Variants in VPS13A observed in about 807,000 individuals in gnomAD.
The protein encoded by VPS13A is intermembrane lipid transfer protein VPS13A.
Under a neutral mutation model 390.9 loss-of-function variants are expected in VPS13A, and 264 were observed. The observed-to-expected ratio is 0.68, with a 90% CI of 0.61 to 0.75. VPS13A has a LOEUF of 0.75. Among genes scored for constraint, VPS13A ranks in the 30% least tolerant of loss-of-function variants. The pLI, the probability that VPS13A is intolerant of heterozygous loss-of-function variation, is 0.00. For synonymous variants in VPS13A, 1,231 were observed against 1,227.1 expected (o/e 1.00, Z -0.07); for missense variants, 3,409 against 3,733.9 (o/e 0.91, Z 2.27).
rs995280229 is a variant in VPS13A, at chr9:77,326,575, G to GT, written c.5991+3355dup. On this transcript the variant is annotated intron_variant, in intron 45 of 71. Transcript: ENST00000360280. ...TCTCAATAGTAGTCTGGATTTTTTT[G>GT]TTTTTTTATTTTCCATTGTCTCTTT... is the stretch of plus-strand genomic sequence containing the variant. Among the ~76,000 whole-genome samples, 6 of 151,038 alleles carry GT rather than the reference G, an allele frequency of 4.0e-5. 1 individual carries two copies. The highest frequency in any genetic ancestry group is 2.0e-4 in the Admixed American group (3 of 15,190).
chr9:77,309,953 CA>C (rs1828976706), intron 35 of VPS13A, among the ~76,000 whole-genome samples: 1 of 151,394 alleles, frequency 6.6e-6, no homozygotes, highest in African/African-American at 2.4e-5. Context: ...TTTTATTTAT[CA>C]TCAATAAAAC....
Position 77,370,259 on chromosome 9 carries a change from A to C in VPS13A, c.8670A>C (p.Gly2890=). 1 of 1,614,144 alleles carries C rather than the reference A, an allele frequency of 6.2e-7. No homozygotes were observed. ...VEAFFYEPYQ[G]AIQGPEEFVE... ...TTATTTACTATTTGGCCCTTTAGGG[A>C]GCCATCCAGGGTCCTGAAGAGTTTG... is the stretch of plus-strand genomic sequence containing the variant. Residue 2890 remains glycine (G), a splice_region_variant and synonymous_variant, in exon 64 of 72, where the codon GGA becomes GGC. Transcript: ENST00000360280.
At chr9:77,244,114 T>G (rs948580808) in intron 19 of VPS13A, among the ~76,000 whole-genome samples, 2 of 152,114 alleles carry the variant, frequency 1.3e-5, no homozygotes, top group African/African-American at 4.8e-5. Context: ...GACGTGTACC[T>G]ATCGTCCCAG....
At chr9:77,250,040 T>A in intron 20 of VPS13A, 57 bp from the exon 21 acceptor site, 1 of 1,582,796 alleles carries the variant, frequency 6.3e-7, no homozygotes, top group African/African-American at 1.4e-5. Flanking sequence ...ATTAAACACT[T>A]TATACTTACA....
chr9:77,274,016 A>G (rs10781429), intron 24 of VPS13A, among the ~76,000 whole-genome samples: 2 of 151,946 alleles, frequency 1.3e-5, no homozygotes, highest in East Asian at 1.9e-4. Context: ...TAAGAAATTT[A>G]AGGCAATAGC....
intron 46 of VPS13A, 83 bp downstream of exon 46, chr9:77,332,196 A>G (rs914065792): frequency 1.1e-5 from 12 of 1,064,328 alleles, no homozygotes; most frequent in Non-Finnish European, 1.6e-5. Context: ...AACTTTGATC[A>G]AATCCATCCT....
chr9:77,308,160 C>A, intron 35 of VPS13A, 62 bp downstream of exon 35: 2 of 1,528,500 alleles, frequency 1.3e-6, no homozygotes, highest in Non-Finnish European at 1.8e-6. Flanking sequence ...CTTCTATCTT[C>A]TTCCCTCCCC....
At chr9:77,189,895 T>C (rs2131071403) in intron 1 of VPS13A, among the ~76,000 whole-genome samples, 1 of 152,298 alleles carries the variant, frequency 6.6e-6, no homozygotes, top group African/African-American at 2.4e-5. Flanking sequence ...TTGATTTGGC[T>C]CTCAGCTTGG....
rs778318999 is a variant in VPS13A, at chr9:77,337,269, T to C, written c.6110T>C (p.Leu2037Pro). 1 of 1,612,050 alleles carries C rather than the reference T, an allele frequency of 6.2e-7. No homozygotes were observed. The highest frequency in any genetic ancestry group is 1.1e-5 in the South Asian group (1 of 90,954). The part of the protein sequence containing the change: ...PLGSYRSFIF[L>P]KPEDENYQMC... ...ATCTCATGCAGATCATTCATTTTTC[T>C]GAAGCCAGAAGATGAGAACTATCAA... Residue 2037 changes from leucine (L) to proline (P), a missense_variant, in exon 47 of 72, where the codon CTG becomes CCG. Coordinates refer to ENST00000360280, the MANE Select transcript of VPS13A (RefSeq NM_033305.3).
intron 13 of VPS13A, among the ~76,000 whole-genome samples, chr9:77,222,343 G>A (rs1458594244): frequency 6.6e-6 from 1 of 152,040 alleles, no homozygotes; most frequent in East Asian, 1.9e-4. Context: ...ACTTCTCTTG[G>A]GGGAAACATA....
At chr9:77,194,725 C>T (rs1824887960) in intron 1 of VPS13A, among the ~76,000 whole-genome samples, 1 of 152,172 alleles carries the variant, frequency 6.6e-6, no homozygotes, top group Non-Finnish European at 1.5e-5. Context: ...AGTCATGGTG[C>T]TAGGGGAGCT....
chr9:77,332,113 G>A lies in VPS13A; in HGVS notation c.6095G>A (p.Arg2032Gln), dbSNP rs1446441869. 2 of 1,604,842 alleles carry A rather than the reference G, an allele frequency of 1.2e-6. No individual in the cohort carries two copies. Among genetic ancestry groups the A allele is most frequent in the East Asian group, 2.2e-5 (1 of 44,586 alleles). The stretch of plus-strand genomic sequence containing the variant: ...TTCAACATACCATTAGGATCTTACC[G>A]GTATTTTGTCTTTATCATTTTATTT... ...NEFNIPLGSY[R>Q]SFIFLKPEDE... is the part of the protein sequence containing the mutation. Residue 2032 changes from arginine (R) to glutamine (Q), a missense_variant and splice_region_variant, in exon 46 of 72, where the codon CGA becomes CAA. Coordinates refer to ENST00000360280, the MANE Select transcript of VPS13A (RefSeq NM_033305.3).
intron 5 of VPS13A, 56 bp from the exon 6 acceptor site, chr9:77,209,367 T>G (rs1590001106): frequency 1.6e-6 from 2 of 1,227,804 alleles, no homozygotes; most frequent in Admixed American, 1.8e-5. Flanking sequence ...AGTATGTGGA[T>G]ATTTATAGAG....
chr9:77,276,873 T>C (rs71511421), intron 26 of VPS13A, among the ~76,000 whole-genome samples: 3,942 of 152,318 alleles, frequency 0.026, 67 homozygotes, highest in Middle Eastern at 0.12. Flanking sequence ...AGTGATTAGA[T>C]TGGACACACC....
At position 77,247,642 on chromosome 9, in the gene VPS13A, G is replaced by A. The variant is rs1478559387; in HGVS notation, c.2037+247G>A. ...GGCAGGTTTGAATCTAAGCTTGATT[G>A]ACTGATTGATTGATTGATTGATTGA... is the stretch of plus-strand genomic sequence containing the variant. On this transcript the variant is annotated intron_variant, in intron 20 of 71. Transcript: ENST00000360280. 2.0e-5 allele frequency among the ~76,000 whole-genome samples: 3 copies of A among 152,044 alleles called. No homozygotes were observed. In the East Asian group the frequency reaches 5.8e-4, roughly 29 times the overall value.
At chr9:77,370,763 T>G (rs1832705930) in intron 65 of VPS13A, 127 bp from the exon 66 acceptor site, 9 of 1,416,096 alleles carry the variant, frequency 6.4e-6, no homozygotes, top group Non-Finnish European at 6.8e-6. Context: ...AATAAAATAC[T>G]TAGGAGATCT....
chr9:77,185,022 C>T (rs180752355), intron 1 of VPS13A, among the ~76,000 whole-genome samples: 30 of 152,020 alleles, frequency 2.0e-4, no homozygotes, highest in Non-Finnish European at 3.5e-4. Context: ...AAATCAGGTG[C>T]GAACCCTGAT....
chr9:77,223,508 A>T (rs1194380045), intron 13 of VPS13A, among the ~76,000 whole-genome samples: 1 of 152,160 alleles, frequency 6.6e-6, no homozygotes, highest in African/African-American at 2.4e-5. Flanking sequence ...TAAGAAAGTA[A>T]AACAGCCTGA....
chr9:77,255,493 T>C (rs1825388399), intron 22 of VPS13A, among the ~76,000 whole-genome samples: 1 of 152,168 alleles, frequency 6.6e-6, no homozygotes, highest in Admixed American at 6.5e-5. Context: ...TTTTCAGATA[T>C]ATTGGACTAC....
Sources: allele counts gnomAD v4.1 joint callset (sites outside exome capture counted in the v4.1 genomes callset), GRCh38; gene constraint gnomAD v4.1.1; transcripts MANE v1.5; gene names NCBI Gene and HGNC (gene_info 2026-07-23, HGNC 2026-07-21).